The following ZNF532 variants were observed in gnomAD, a reference collection of about 807,000 sequenced individuals.
ZNF532 encodes zinc finger protein 532.
Under a neutral mutation model 89.3 loss-of-function variants are expected in ZNF532, and 22 were observed. The observed-to-expected ratio is 0.25, with a 90% CI of 0.18 to 0.35. The LOEUF (loss-of-function observed/expected upper bound fraction) is 0.35. ZNF532 is among the 10% of genes least tolerant of loss of function. The probability of loss-of-function intolerance (pLI) is 1.00; values close to 1 mark genes in which losing one functional copy is unlikely to be tolerated. For synonymous variants in ZNF532, 606 were observed against 649.6 expected, an observed-to-expected ratio of 0.93 and a Z score of 1.02; for missense variants, 1,132 against 1,643.4, an observed-to-expected ratio of 0.69 and a Z score of 5.38.
chr18:58,943,953 C>T (rs4538103), intron 5 of ZNF532, among the ~76,000 whole-genome samples: 92,552 of 152,106 alleles, frequency 0.61, 29,710 homozygotes, highest in African/African-American at 0.82. Context: ...AAGTAAAACA[C>T]GCAAAATTAG....
intron 7 of ZNF532, 68 bp downstream of exon 7, chr18:58,953,867 A>T: frequency 3.9e-6 from 6 of 1,532,386 alleles, no homozygotes; most frequent in Non-Finnish European, 5.3e-6. Flanking sequence ...AGCTTCCAAG[A>T]TGTGGGCTCT....
intron 7 of ZNF532, among the ~76,000 whole-genome samples, chr18:58,958,800 G>A (rs749012020): frequency 4.6e-5 from 7 of 152,176 alleles, no homozygotes; most frequent in African/African-American, 7.2e-5. Context: ...GAGGACGGGC[G>A]TGTCAGTGTC....
intron 5 of ZNF532, among the ~76,000 whole-genome samples, chr18:58,942,004 C>CTTCT (rs1568380370): frequency 7.2e-6 from 1 of 139,642 alleles, no homozygotes; most frequent in Non-Finnish European, 1.5e-5. Context: ...TCCTTCCTTC[C>CTTCT]TTCTTTCTTT....
At chr18:58,923,677 G>A (rs2061307971) in intron 3 of ZNF532, among the ~76,000 whole-genome samples, 1 of 152,180 alleles carries the variant, frequency 6.6e-6, no homozygotes, top group African/African-American at 2.4e-5. Flanking sequence ...CCAGTCACAT[G>A]ACTGTTGGCC....
At chr18:58,910,199 T>C (rs1370244818) in intron 2 of ZNF532, among the ~76,000 whole-genome samples, 1 of 152,250 alleles carries the variant, frequency 6.6e-6, no homozygotes, top group Non-Finnish European at 1.5e-5. Context: ...AAAATTATCA[T>C]TCGTACAATA....
chr18:58,946,239 T>G (rs2063643507), intron 5 of ZNF532, among the ~76,000 whole-genome samples: 1 of 152,132 alleles, frequency 6.6e-6, no homozygotes, highest in Non-Finnish European at 1.5e-5. Flanking sequence ...ATGAAAATCT[T>G]TCCATGCCAT....
chr18:58,876,653 G>A (rs541140953), intron 2 of ZNF532, among the ~76,000 whole-genome samples: 1 of 152,316 alleles, frequency 6.6e-6, no homozygotes, highest in East Asian at 1.9e-4. Flanking sequence ...TTTGACACTT[G>A]TAGTCGGATC....
At chr18:58,980,245 GT>G (rs1485444925) in intron 8 of ZNF532, 1 of 152,198 alleles carries the variant, frequency 6.6e-6, no homozygotes, top group Non-Finnish European at 1.5e-5. Context: ...TAAAGTATGT[GT>G]TGAGACCAAA....
In ZNF532 at chr18:58,877,156, C is replaced by T. The variant is rs187898447; in HGVS notation, c.-18+11577C>T. On this transcript the variant is annotated intron_variant, in intron 2 of 9. Coordinates refer to ENST00000591808, the MANE Select transcript of ZNF532 (RefSeq NM_001375912.1). ...GGACTGAAGGCAGTTAGCTTGCCAC[C>T]GTTTCTGCCCCCTTGCCTGATGAGG... Among the ~76,000 whole-genome samples, 35 of 152,302 alleles carry T rather than the reference C, an allele frequency of 2.3e-4. 1 individual carries two copies. The highest frequency in any genetic ancestry group is 3.4e-3 in the Middle Eastern group (1 of 292).
intron 3 of ZNF532, among the ~76,000 whole-genome samples, chr18:58,926,581 C>T (rs2061542997): frequency 6.6e-6 from 1 of 152,202 alleles, no homozygotes; most frequent in African/African-American, 2.4e-5. Context: ...CTCCTGAGCT[C>T]AGGTGATCCG....
At chr18:58,892,759 GT>G (rs1172683988) in intron 2 of ZNF532, among the ~76,000 whole-genome samples, 1 of 152,220 alleles carries the variant, frequency 6.6e-6, no homozygotes, top group Non-Finnish European at 1.5e-5. Flanking sequence ...TTGGCTGAAG[GT>G]TCCCCAAGTG....
chr18:58,904,470 C>T (rs994711633), intron 2 of ZNF532, among the ~76,000 whole-genome samples: 2 of 151,912 alleles, frequency 1.3e-5, no homozygotes, highest in African/African-American at 4.8e-5. Context: ...AACGGTAGTT[C>T]CTATTTATCG....
At position 58,919,223 on chromosome 18, in the gene ZNF532, C is replaced by T; in HGVS notation, c.936C>T (p.Asp312=). The change falls in exon 3 of 10, where the codon GAC becomes GAT. Residue 312 remains aspartate, a synonymous_variant. Coordinates refer to ENST00000591808, the MANE Select transcript of ZNF532 (RefSeq NM_001375912.1). This position sits in a 1 kb window ranked among gnomAD's most constrained non-coding sequence, Gnocchi z 6.1. ...KEVNDSPRAA[D]KSPESQNLID... The stretch of plus-strand genomic sequence containing the variant: ...TAAATGACAGTCCGAGAGCCGCTGA[C>T]AAGTCTCCTGAATCCCAGAATCTCA... 1.9e-6 allele frequency: 3 copies of T among 1,614,104 alleles called. No individual in the cohort carries two copies. Among genetic ancestry groups the T allele is most frequent in the Non-Finnish European group, 2.5e-6 (3 of 1,179,956 alleles).
rs569675913 is a variant in ZNF532 at position 58,927,403 on chromosome 18, C to T, written c.2346+6770C>T. Reference sequence around the variant, plus strand: ...TAAAAGTTTTCTGTTTTCCTAGGCACTCGTTTCTTGGTGGTCGGCTACAGA... The same window carrying T: ...TAAAAGTTTTCTGTTTTCCTAGGCATTCGTTTCTTGGTGGTCGGCTACAGA... On this transcript the variant is annotated intron_variant, in intron 3 of 9. Coordinates refer to ENST00000591808, the MANE Select transcript of ZNF532 (RefSeq NM_001375912.1). Among the ~76,000 whole-genome samples, 13 of 151,244 alleles carry T rather than the reference C, an allele frequency of 8.6e-5. No homozygotes were observed. In the South Asian group the frequency reaches 2.7e-3, roughly 32 times the overall value.
chr18:58,925,538 T>G (rs147496482), intron 3 of ZNF532, among the ~76,000 whole-genome samples: 1 of 152,372 alleles, frequency 6.6e-6, no homozygotes, highest in East Asian at 1.9e-4. Flanking sequence ...GTTGGCTATG[T>G]GGCTGCAAGT....
intron 2 of ZNF532, among the ~76,000 whole-genome samples, chr18:58,867,866 C>G (rs950775162): frequency 1.3e-5 from 2 of 152,216 alleles, no homozygotes; most frequent in Non-Finnish European, 2.9e-5. Context: ...GGAGCACACA[C>G]GCTCTCTTTT....
In ZNF532 at chr18:58,888,323, A is replaced by T. The variant is rs555366742; in HGVS notation, c.-18+22744A>T. Among the ~76,000 whole-genome samples, 6 of 152,300 alleles carry T rather than the reference A, an allele frequency of 3.9e-5. No homozygotes were observed. The East Asian group carries it at 9.6e-4, about 24-fold the overall frequency. Reference sequence around the variant, plus strand: ...AGAATCACTTAGAATGTACAATGTCACGTTTTCTAATTTTATAAATATAAA... The same window carrying T: ...AGAATCACTTAGAATGTACAATGTCTCGTTTTCTAATTTTATAAATATAAA... On this transcript the variant is annotated intron_variant, in intron 2 of 9. Transcript: ENST00000591808.
At chr18:58,874,134 C>T (rs1433585671) in intron 2 of ZNF532, among the ~76,000 whole-genome samples, 8 of 152,030 alleles carry the variant, frequency 5.3e-5, no homozygotes, top group Non-Finnish European at 1.0e-4. Flanking sequence ...CCTGTCCTGC[C>T]TTACCTCATT....
At chr18:58,963,603 ATGTGTGTGTGTGTGTGTGTG>A (rs60644289) in intron 7 of ZNF532, among the ~76,000 whole-genome samples, 8 of 143,880 alleles carry the variant, frequency 5.6e-5, no homozygotes, top group African/African-American at 1.3e-4. Context: ...AAAGAAAAAA[ATGTGTGTGTGTGTGTGTGTG>A]TGTGTGTGTG....
Sources: gnomAD v4.1 joint callset for allele counts (sites outside exome capture counted in the v4.1 genomes callset) on GRCh38, gnomAD v4.1.1 for gene constraint, Gnocchi (gnomAD v3.1) non-coding constraint, MANE v1.5 for transcripts, NCBI Gene and HGNC (gene_info 2026-07-23, HGNC 2026-07-21) for gene names.